GRIA3: variants seen among roughly 807,000 people sequenced by gnomAD.
The protein encoded by GRIA3 is glutamate receptor 3.
In GRIA3, 3 loss-of-function variants were observed where a neutral mutation model predicts 63.0. The observed-to-expected ratio is 0.05, with a 90% CI of 0.02 to 0.12. The LOEUF is 0.12. GRIA3 is among the 10% of genes least tolerant of loss of function. The probability of loss-of-function intolerance (pLI) is 1.00; values close to 1 mark genes in which losing one functional copy is unlikely to be tolerated. For missense variants in GRIA3, 347 were observed against 700.9 expected (o/e 0.50, Z 5.70); for synonymous variants, 274 against 257.9 (o/e 1.06, Z -0.60).
At chrX:123,321,406 C>A (rs993395702) in intron 3 of GRIA3, among the ~76,000 whole-genome samples, 1 of 112,088 alleles carries the variant, frequency 8.9e-6, no homozygotes, top group Non-Finnish European at 1.9e-5. Context: ...AATGCTGTGG[C>A]TCTGAGAGAT....
chrX:123,368,728 A>G (rs12857357), intron 5 of GRIA3, among the ~76,000 whole-genome samples: 17,573 of 107,348 alleles, frequency 0.16, 1,180 homozygotes, highest in South Asian at 0.35. Flanking sequence ...AAGGCCAGAC[A>G]TTTCAATTTC....
intron 2 of GRIA3, among the ~76,000 whole-genome samples, chrX:123,219,063 A>T (rs964326743): frequency 1.8e-5 from 2 of 112,085 alleles, no homozygotes; most frequent in Non-Finnish European, 3.8e-5. Context: ...CCAGTCACAC[A>T]GTGGAAATGG....
At chrX:123,215,710 G>A (rs1928141405) in intron 2 of GRIA3, among the ~76,000 whole-genome samples, 1 of 111,970 alleles carries the variant, frequency 8.9e-6, no homozygotes, top group African/African-American at 3.2e-5. Flanking sequence ...AATACCTAGT[G>A]TGTCAGAAAA....
At chrX:123,357,422 AC>A (rs1389313010) in intron 5 of GRIA3, among the ~76,000 whole-genome samples, 2 of 107,056 alleles carry the variant, frequency 1.9e-5, no homozygotes, top group Non-Finnish European at 3.8e-5. Context: ...CTACTGACAA[AC>A]TTTTTTATTT....
chrX:123,428,152 C>A lies in GRIA3; in HGVS notation c.2076+13C>A, dbSNP rs946213758. The A allele has an allele frequency of 9.3e-7, 1 of 1,074,261 alleles. No individual in the cohort carries two copies. 88.5% of individuals were successfully genotyped at this position (1,074,261 alleles called of 1,213,427 possible). ...AGAATTTTTCAGAGTAAGTGCTCTG[C>A]AGTTAATTGAGCCTGCTGATATTTA... On this transcript the variant is annotated intron_variant, in intron 12 of 15. Transcript: ENST00000620443.
chrX:123,398,828 G>T, intron 7 of GRIA3, 25 bp downstream of exon 7: 1 of 1,160,351 alleles, frequency 8.6e-7, no homozygotes, highest in Non-Finnish European at 1.2e-6. Context: ...GGGTTATTGG[G>T]GTGGAAGAAA....
chrX:123,443,313 T>A (rs1007116796), intron 12 of GRIA3, among the ~76,000 whole-genome samples: 16 of 112,334 alleles, frequency 1.4e-4, no homozygotes, highest in Non-Finnish European at 2.6e-4. Context: ...CTGATCCAGA[T>A]AATGCCCTTC....
intron 3 of GRIA3, among the ~76,000 whole-genome samples, chrX:123,319,384 T>C (rs769895516): frequency 8.9e-6 from 1 of 112,349 alleles, no homozygotes; most frequent in South Asian, 3.7e-4. Flanking sequence ...CATCATTAAG[T>C]GATCAATGAC....
intron 3 of GRIA3, among the ~76,000 whole-genome samples, chrX:123,313,303 G>A (rs879037066): frequency 8.1e-5 from 9 of 111,454 alleles, no homozygotes; most frequent in African/African-American, 2.9e-4. Context: ...ACAGTATTAA[G>A]TCAAAAAGAA....
chrX:123,338,017 C>T (rs891659499), intron 4 of GRIA3, among the ~76,000 whole-genome samples: 1 of 111,850 alleles, frequency 8.9e-6, no homozygotes, highest in East Asian at 2.8e-4. Context: ...AAACTCTGAC[C>T]GAAGCCCCTT....
At chrX:123,193,250 G>A (rs1287141511) in intron 2 of GRIA3, among the ~76,000 whole-genome samples, 2 of 109,594 alleles carry the variant, frequency 1.8e-5, no homozygotes, top group Non-Finnish European at 3.8e-5. Context: ...TCATGAGCCC[G>A]GGTGACACTG....
At chrX:123,394,877 G>A (rs2045404973) in intron 5 of GRIA3, 91 bp from the exon 6 acceptor site, 4 of 636,180 alleles carry the variant, frequency 6.3e-6, no homozygotes, top group Admixed American at 4.7e-5. Flanking sequence ...CCTAGGGAAG[G>A]AGCTTTCACA....
intron 2 of GRIA3, among the ~76,000 whole-genome samples, chrX:123,212,818 T>C (rs1315237975): frequency 1.8e-5 from 2 of 111,741 alleles, no homozygotes; most frequent in African/African-American, 6.5e-5. Context: ...GTCACTTAAA[T>C]CTTCAGCAAA....
rs769912513 is a variant in GRIA3, at chrX:123,460,901, G to A, written c.2077-3964G>A. ...ATATGGAATGAGCATAAATGACTAT[G>A]GGTGAGATTTTAATCTTAGAAGGCC... On this transcript the variant is annotated intron_variant, in intron 12 of 15. Transcript: ENST00000620443. Among the ~76,000 whole-genome samples the A allele has an allele frequency of 9.8e-5, 11 of 111,809 alleles. No homozygotes were observed. The South Asian group carries it at 3.8e-3, about 38-fold the overall frequency.
At chrX:123,275,624 C>T (rs2044550009) in intron 3 of GRIA3, among the ~76,000 whole-genome samples, 1 of 112,195 alleles carries the variant, frequency 8.9e-6, no homozygotes, top group African/African-American at 3.2e-5. Context: ...ATTAAATGAA[C>T]TAACCACCAC....
intron 10 of GRIA3, among the ~76,000 whole-genome samples, chrX:123,409,897 C>T (rs2045496143): frequency 9.0e-6 from 1 of 111,213 alleles, no homozygotes; most frequent in African/African-American, 3.3e-5. Context: ...TTTTGTGACT[C>T]ATGGTCTAGT....
chrX:123,354,846 CTGATTGTGCAAT>C (rs2045122523), intron 4 of GRIA3, 52 bp from the exon 5 acceptor site: 1 of 810,099 alleles, frequency 1.2e-6, no homozygotes. Flanking sequence ...AGCCACCCCA[CTGATTGTGCAAT>C]TGAAAATGTC....
chrX:123,283,759 A>C (rs905829871), intron 3 of GRIA3, among the ~76,000 whole-genome samples: 2 of 112,606 alleles, frequency 1.8e-5, no homozygotes, highest in African/African-American at 3.2e-5. Context: ...AGGAGCTTAT[A>C]GATAAAACTC....
rs766602254 is a variant in GRIA3 at position 123,469,960 on chromosome X, C to T, written c.2324+4848C>T. 3.7e-4 allele frequency among the ~76,000 whole-genome samples: 41 copies of T among 112,056 alleles called. 1 individual carries two copies. Among genetic ancestry groups the T allele is most frequent in the Non-Finnish European group, 7.5e-5 (4 of 53,169 alleles). ...ACAAGATAGGGTAGGGTCAGTGAAA[C>T]GAGCTATTTGTGACTGAGGTGGAAA... On this transcript the variant is annotated intron_variant, in intron 13 of 15. Coordinates refer to ENST00000620443, the MANE Select transcript of GRIA3 (RefSeq NM_007325.5).
Sources: gnomAD v4.1 joint callset for allele counts (sites outside exome capture counted in the v4.1 genomes callset) on GRCh38, gnomAD v4.1.1 for gene constraint, MANE v1.5 for transcripts, NCBI Gene and HGNC (gene_info 2026-07-23, HGNC 2026-07-21) for gene names.